The following KCNH7 variants were observed in gnomAD, a reference collection of about 807,000 sequenced individuals.
KCNH7 encodes voltage-gated inwardly rectifying potassium channel KCNH7.
In KCNH7, 49 loss-of-function variants were observed where a neutral mutation model predicts 120.8. The observed-to-expected ratio is 0.41, with a 90% CI of 0.32 to 0.51. KCNH7 has a LOEUF of 0.51. KCNH7 is among the 20% of genes least tolerant of loss of function. KCNH7 has a pLI of 0.38. For missense variants in KCNH7, 1,097 were observed against 1,446.6 expected, an observed-to-expected ratio of 0.76 and a Z score of 3.92; for synonymous variants, 547 against 516.1, an observed-to-expected ratio of 1.06 and a Z score of -0.81.
intron 2 of KCNH7, among the ~76,000 whole-genome samples, chr2:162,549,911 C>T (rs1325221756): frequency 6.6e-6 from 1 of 152,162 alleles, no homozygotes; most frequent in African/African-American, 2.4e-5. Context: ...ACCCAAATTT[C>T]AGTTGACAGG....
chr2:162,610,836 T>A (rs1285846592), intron 2 of KCNH7, among the ~76,000 whole-genome samples: 1 of 152,194 alleles, frequency 6.6e-6, no homozygotes, highest in Non-Finnish European at 1.5e-5. Flanking sequence ...GGATTTGTCA[T>A]AGAAGGTATT....
chr2:162,685,422 A>G (rs1369913090), intron 2 of KCNH7, among the ~76,000 whole-genome samples: 3 of 152,132 alleles, frequency 2.0e-5, no homozygotes, highest in African/African-American at 7.2e-5. Flanking sequence ...CAATTAGAAC[A>G]TTGGTATAGT....
chr2:162,390,313 G>A (rs138939877), intron 12 of KCNH7, among the ~76,000 whole-genome samples: 1 of 150,012 alleles, frequency 6.7e-6, no homozygotes, highest in African/African-American at 2.4e-5. Flanking sequence ...ATATACATAT[G>A]TATATGTATA....
At chr2:162,513,756 T>A (rs1691191874) in intron 4 of KCNH7, among the ~76,000 whole-genome samples, 1 of 151,712 alleles carries the variant, frequency 6.6e-6, no homozygotes, top group Non-Finnish European at 1.5e-5. Context: ...ACTCAAAGAG[T>A]CATTCTTAGG....
intron 2 of KCNH7, among the ~76,000 whole-genome samples, chr2:162,652,929 T>C (rs75244046): frequency 0.25 from 38,067 of 151,944 alleles, 7,557 homozygotes; most frequent in African/African-American, 0.54. Flanking sequence ...TAAAACCTTC[T>C]TTCATTTTTT....
intron 2 of KCNH7, among the ~76,000 whole-genome samples, chr2:162,742,666 G>T (rs910673335): frequency 5.3e-5 from 8 of 152,114 alleles, no homozygotes; most frequent in African/African-American, 1.7e-4. Flanking sequence ...TTCACTTTAG[G>T]CCTTATCCTT....
At chr2:162,594,566 CAGTT>C (rs1426937243) in intron 2 of KCNH7, among the ~76,000 whole-genome samples, 4 of 151,918 alleles carry the variant, frequency 2.6e-5, no homozygotes, top group African/African-American at 4.8e-5. Flanking sequence ...ATAAAAAACA[CAGTT>C]AGCCCTTCAT....
At chr2:162,796,865 C>T (rs568942446) in intron 2 of KCNH7, 1 of 151,886 alleles carries the variant, frequency 6.6e-6, no homozygotes, top group East Asian at 1.9e-4. Flanking sequence ...AATTCTAAAC[C>T]CTTTTTTGTG....
At chr2:162,793,336 T>C (rs1684025950) in intron 2 of KCNH7, among the ~76,000 whole-genome samples, 1 of 151,756 alleles carries the variant, frequency 6.6e-6, no homozygotes, top group Admixed American at 6.6e-5. Context: ...CAGCAAAAAT[T>C]ACTAATGTGT....
intron 11 of KCNH7, among the ~76,000 whole-genome samples, chr2:162,394,979 C>A (rs1360053723): frequency 1.3e-5 from 2 of 151,744 alleles, no homozygotes; most frequent in Non-Finnish European, 2.9e-5. Flanking sequence ...AGATGATGAT[C>A]TTTATGATAA....
At chr2:162,589,235 G>C (rs1166213703) in intron 2 of KCNH7, among the ~76,000 whole-genome samples, 1 of 152,050 alleles carries the variant, frequency 6.6e-6, no homozygotes, top group Non-Finnish European at 1.5e-5. Flanking sequence ...GTGTGAATCG[G>C]GAGAGCGCTG....
intron 2 of KCNH7, among the ~76,000 whole-genome samples, chr2:162,632,519 C>T (rs1458648820): frequency 1.3e-5 from 2 of 151,566 alleles, no homozygotes; most frequent in South Asian, 2.1e-4. Flanking sequence ...GTTGATTTTA[C>T]AATTCATTAT....
intron 2 of KCNH7, among the ~76,000 whole-genome samples, chr2:162,583,144 G>T (rs997657541): frequency 1.3e-5 from 2 of 151,980 alleles, no homozygotes; most frequent in Non-Finnish European, 2.9e-5. Context: ...CTGACTAATA[G>T]CTGTAAACTG....
Position 162,608,316 on chromosome 2 carries a change from T to C in KCNH7, c.308-71236A>G, listed in dbSNP as rs1474348751. ...CAGTACTTTTAACTCCAAACAAAAT[T>C]TTCTTTAGTAGGTTTAGCTCATACT... On this transcript the variant is annotated intron_variant, in intron 2 of 15. Transcript: ENST00000332142. Among the ~76,000 whole-genome samples the C allele has an allele frequency of 2.6e-5, 4 of 152,074 alleles. No individual in the cohort carries two copies. In the East Asian group the frequency reaches 7.7e-4, roughly 29 times the overall value.
At chr2:162,773,579 T>C (rs1406102316) in intron 2 of KCNH7, among the ~76,000 whole-genome samples, 1 of 148,236 alleles carries the variant, frequency 6.7e-6, no homozygotes, top group Non-Finnish European at 1.5e-5. Context: ...AAAAATAGTG[T>C]TAACTTATGA....
chr2:162,373,549 C>T lies in KCNH7; in HGVS notation c.3245G>A (p.Arg1082Lys), dbSNP rs1477565910. ...SMVTAGSEYQ[R>K]PIIQLMRTSQ... Reference sequence around the variant, plus strand: ...GGTTCTCATCAGCTGGATGATGGGTCTCTGATATTCTGATCCTGCTGTTAC... The same window carrying T: ...GGTTCTCATCAGCTGGATGATGGGTTTCTGATATTCTGATCCTGCTGTTAC... Residue 1082 changes from arginine (R) to lysine (K), a missense_variant, in exon 15 of 16, where the codon AGA becomes AAA. Transcript: ENST00000332142. The T allele has an allele frequency of 3.1e-6, 5 of 1,592,174 alleles. No homozygotes were observed. Among genetic ancestry groups the T allele is most frequent in the Non-Finnish European group, 4.3e-6 (5 of 1,169,270 alleles).
At chr2:162,652,319 T>C (rs1046081083) in intron 2 of KCNH7, among the ~76,000 whole-genome samples, 2 of 152,192 alleles carry the variant, frequency 1.3e-5, no homozygotes, top group African/African-American at 4.8e-5. Context: ...AGCAAGACTT[T>C]TATGATGATT....
intron 2 of KCNH7, among the ~76,000 whole-genome samples, chr2:162,632,263 G>T (rs1683799050): frequency 1.3e-5 from 2 of 152,006 alleles, no homozygotes; most frequent in Admixed American, 1.3e-4. Context: ...ATTGGTAATA[G>T]CAACAACAAC....
intron 2 of KCNH7, among the ~76,000 whole-genome samples, chr2:162,608,160 A>T (rs576193743): frequency 6.6e-6 from 1 of 152,320 alleles, no homozygotes; most frequent in South Asian, 2.1e-4. Context: ...CCTGACTCCT[A>T]TGTGTTCACC....
Sources: gnomAD v4.1 joint callset for allele counts (sites outside exome capture counted in the v4.1 genomes callset) on GRCh38, gnomAD v4.1.1 for gene constraint, MANE v1.5 for transcripts, NCBI Gene and HGNC (gene_info 2026-07-23, HGNC 2026-07-21) for gene names.